NPAS3: variants seen among roughly 807,000 people sequenced by gnomAD.
NPAS3 encodes neuronal PAS domain-containing protein 3.
In NPAS3, 14 loss-of-function variants were observed where a neutral mutation model predicts 73.1. That is an observed-to-expected ratio of 0.19 (90% confidence interval 0.13 to 0.30). The LOEUF (loss-of-function observed/expected upper bound fraction) is 0.30. Ranked by LOEUF, NPAS3 falls within the 10% of genes least tolerant of loss-of-function variation. The probability of loss-of-function intolerance (pLI) is 1.00; values close to 1 mark genes in which losing one functional copy is unlikely to be tolerated. For synonymous variants in NPAS3, 620 were observed against 541.5 expected (o/e 1.14, Z -2.01); for missense variants, 1,096 against 1,250.0 (o/e 0.88, Z 1.86).
intron 5 of NPAS3, among the ~76,000 whole-genome samples, chr14:33,598,509 G>A (rs2057310155): frequency 6.6e-6 from 1 of 152,170 alleles, no homozygotes; most frequent in South Asian, 2.1e-4. Flanking sequence ...CCGAGCAGTA[G>A]GCTTTGAAGA....
chr14:33,508,845 T>C (rs1046538417), intron 4 of NPAS3, among the ~76,000 whole-genome samples: 3 of 151,966 alleles, frequency 2.0e-5, no homozygotes, highest in African/African-American at 7.2e-5. Context: ...AGAATGAGCG[T>C]GGGAATGACC....
chr14:33,020,373 T>C (rs965168814), intron 1 of NPAS3, among the ~76,000 whole-genome samples: 1 of 152,182 alleles, frequency 6.6e-6, no homozygotes, highest in Non-Finnish European at 1.5e-5. Flanking sequence ...CATGGAAAAG[T>C]GATGTAAACT....
intron 2 of NPAS3, among the ~76,000 whole-genome samples, chr14:33,134,323 G>T (rs960409951): frequency 6.6e-6 from 1 of 151,660 alleles, no homozygotes; most frequent in Non-Finnish European, 1.5e-5. Flanking sequence ...GCTTCCATTC[G>T]CATTTCCCTT....
At chr14:33,052,364 T>C (rs1320450408) in intron 1 of NPAS3, among the ~76,000 whole-genome samples, 1 of 152,120 alleles carries the variant, frequency 6.6e-6, no homozygotes, top group Non-Finnish European at 1.5e-5. Flanking sequence ...CAAAAACTAC[T>C]CTGACCAATC....
In NPAS3 at chr14:33,725,619, C is replaced by T. The variant is rs545249632; in HGVS notation, c.734-9595C>T. ...CTACCTCTCTCATGTCACCATACTCCTGTCCTGCCATCCTTTGCTAGTCTC... is the reference window on the plus strand; with the variant it reads ...CTACCTCTCTCATGTCACCATACTCTTGTCCTGCCATCCTTTGCTAGTCTC... On this transcript the variant is annotated intron_variant, in intron 6 of 11. Coordinates refer to ENST00000356141, the Ensembl canonical transcript of NPAS3. 2.6e-3 allele frequency among the ~76,000 whole-genome samples: 391 copies of T among 152,270 alleles called. 1 individual carries two copies. The highest frequency in any genetic ancestry group is 8.9e-3 in the African/African-American group (368 of 41,566).
At chr14:32,967,866 TGAG>T (rs1262037358) in intron 1 of NPAS3, among the ~76,000 whole-genome samples, 2 of 152,120 alleles carry the variant, frequency 1.3e-5, no homozygotes, top group Non-Finnish European at 2.9e-5. Flanking sequence ...ATTAATATGT[TGAG>T]GAGATATCAT....
At chr14:32,989,882 A>G (rs973100522) in intron 1 of NPAS3, among the ~76,000 whole-genome samples, 1 of 152,332 alleles carries the variant, frequency 6.6e-6, no homozygotes, top group South Asian at 2.1e-4. Context: ...AGGAGATATC[A>G]GTGTGAAGCT....
chr14:33,152,955 C>T (rs931060085), intron 2 of NPAS3, among the ~76,000 whole-genome samples: 13 of 151,828 alleles, frequency 8.6e-5, no homozygotes, highest in Admixed American at 5.9e-4. Context: ...TGATGATTTT[C>T]AAAAAATATT....
intron 4 of NPAS3, among the ~76,000 whole-genome samples, chr14:33,423,161 T>C (rs919270919): frequency 6.6e-6 from 1 of 152,020 alleles, no homozygotes; most frequent in African/African-American, 2.4e-5. Context: ...GAGGACAAGT[T>C]GGGTTGTCTG....
chr14:33,159,646 C>T (rs985399885), intron 2 of NPAS3, among the ~76,000 whole-genome samples: 21 of 151,552 alleles, frequency 1.4e-4, no homozygotes, highest in Non-Finnish European at 2.5e-4. Flanking sequence ...CTCCGCCTCC[C>T]GGATTCACAC....
chr14:33,301,324 T>TATAATATA (rs56204986), intron 3 of NPAS3, among the ~76,000 whole-genome samples: 1 of 75,648 alleles, frequency 1.3e-5, no homozygotes, highest in South Asian at 4.0e-4. Flanking sequence ...ATATATATAT[T>TATAATATA]TTTTTTTTTT....
At chr14:33,759,002 C>T (rs570763032) in intron 7 of NPAS3, among the ~76,000 whole-genome samples, 7 of 152,268 alleles carry the variant, frequency 4.6e-5, no homozygotes, top group African/African-American at 1.7e-4. Flanking sequence ...AAGGGAAAAT[C>T]GGTCAATTAA....
At chr14:33,509,543 C>T (rs959705935) in intron 4 of NPAS3, among the ~76,000 whole-genome samples, 1 of 151,978 alleles carries the variant, frequency 6.6e-6, no homozygotes, top group Admixed American at 6.6e-5. Flanking sequence ...TTAAATCCTT[C>T]ATTATGTGGA....
chr14:33,215,934 A>G (rs921212263), intron 3 of NPAS3, among the ~76,000 whole-genome samples: 2 of 152,182 alleles, frequency 1.3e-5, no homozygotes, highest in African/African-American at 4.8e-5. Flanking sequence ...ATATTACCTA[A>G]AAGTTGTAAA....
intron 4 of NPAS3, among the ~76,000 whole-genome samples, chr14:33,414,255 C>G (rs559641770): frequency 5.3e-5 from 8 of 152,258 alleles, no homozygotes; most frequent in South Asian, 4.1e-4. Flanking sequence ...CCTCCTCCCC[C>G]CACTGTGAGT....
chr14:33,602,449 T>C (rs1486461981), intron 5 of NPAS3, among the ~76,000 whole-genome samples: 1 of 152,096 alleles, frequency 6.6e-6, no homozygotes, highest in Non-Finnish European at 1.5e-5. Flanking sequence ...GCTATCAGAG[T>C]TGCCAAGGAA....
chr14:33,735,152 G>A (rs763258539), intron 6 of NPAS3, 62 bp from the exon 7 acceptor site: 4 of 1,159,810 alleles, frequency 3.4e-6, no homozygotes, highest in African/African-American at 1.5e-5. Flanking sequence ...CACCTGAGCT[G>A]TAGCTGTGAG....
chr14:33,034,071 G>A (rs1227331944), intron 1 of NPAS3, among the ~76,000 whole-genome samples: 1 of 151,980 alleles, frequency 6.6e-6, no homozygotes, highest in African/African-American at 2.4e-5. Flanking sequence ...GCATTTTTAT[G>A]TTTACTTAAT....
chr14:33,118,493 A>G (rs1391756049), intron 2 of NPAS3, among the ~76,000 whole-genome samples: 2 of 152,108 alleles, frequency 1.3e-5, no homozygotes, highest in Non-Finnish European at 1.5e-5. Context: ...AAATATCCTC[A>G]TCAACCACTG....
Sources: gnomAD v4.1 joint callset for allele counts (sites outside exome capture counted in the v4.1 genomes callset) on GRCh38, gnomAD v4.1.1 for gene constraint, MANE v1.5 for transcripts, NCBI Gene and HGNC (gene_info 2026-07-23, HGNC 2026-07-21) for gene names.